Variants in ARHGAP1 observed in about 807,000 individuals in gnomAD.
ARHGAP1 encodes rho GTPase-activating protein 1.
A neutral mutation model predicts 52.2 loss-of-function variants in ARHGAP1; 23 were observed. That is an observed-to-expected ratio of 0.44 (90% CI 0.32 to 0.62). ARHGAP1 has a LOEUF of 0.62. Among genes scored for constraint, ARHGAP1 ranks in the 20% least tolerant of loss-of-function variants. The pLI is 0.05. For synonymous variants in ARHGAP1, 210 were observed against 228.4 expected (o/e 0.92, Z 0.73); for missense variants, 480 against 560.9 (o/e 0.86, Z 1.46).
rs2064528978 is a variant in ARHGAP1, at chr11:46,681,615, G to T, written c.450-236C>A. The T allele has an allele frequency of 2.2e-6, 1 of 459,044 alleles. No individual in the cohort carries two copies. The highest frequency in any genetic ancestry group is 3.5e-5 in the Admixed American group (1 of 28,220). The allele number at this position is 459,044 out of a possible 1,614,324, so 28.4% of individuals were successfully genotyped here. A position where few individuals can be genotyped will look rare whatever the true frequency, so the allele number is the denominator to read the frequency against. On this transcript the variant is annotated intron_variant, in intron 5 of 12. Coordinates refer to ENST00000311956, the MANE Select transcript of ARHGAP1 (RefSeq NM_004308.5). This position sits in a 1 kb window ranked among gnomAD's most constrained non-coding sequence, Gnocchi z 5.7. The stretch of plus-strand genomic sequence containing the variant: ...CACCTAGCTAATTTTTGTATTTTTA[G>T]CGGAGACAGGGTTTCACCATGTTGG...
chr11:46,695,911 C>CAGCA, intron 2 of ARHGAP1, 64 bp downstream of exon 2: 3 of 1,611,828 alleles, frequency 1.9e-6, no homozygotes, highest in Non-Finnish European at 2.5e-6. Context: ...CGTCTCCCTT[C>CAGCA]AGCAGAAGGA....
At chr11:46,688,090 AG>A in intron 4 of ARHGAP1, 82 bp downstream of exon 4, 1 of 1,380,076 alleles carries the variant, frequency 7.2e-7, no homozygotes, top group Non-Finnish European at 1.0e-6. Context: ...ACCCACAGGC[AG>A]GGAGGGACAG....
Position 46,680,810 on chromosome 11 carries a change from A to G in ARHGAP1, c.636-63T>C, listed in dbSNP as rs1461670791. 7.6e-7 allele frequency: 1 copy of G among 1,322,064 alleles called. No homozygotes were observed. Among genetic ancestry groups the G allele is most frequent in the Non-Finnish European group, 1.0e-6 (1 of 965,422 alleles). The allele number at this position is 1,322,064 out of a possible 1,614,324, so 81.9% of individuals were successfully genotyped here. The stretch of plus-strand genomic sequence containing the variant: ...GCTCTGGAGTCACTCTGCCAATTCA[A>G]TCAAGCATTGACCACGCGGGGTCAG... On this transcript the variant is annotated intron_variant, in intron 7 of 12. Coordinates refer to ENST00000311956, the MANE Select transcript of ARHGAP1 (RefSeq NM_004308.5). This position sits in a 1 kb window ranked among gnomAD's most constrained non-coding sequence, Gnocchi z 5.9.
Position 46,679,752 on chromosome 11 carries a change from T to C in ARHGAP1, c.923A>G (p.Tyr308Cys). The stretch of plus-strand genomic sequence containing the variant: ...GACTGCTGGCAGGTGCAGCTCATTG[T>C]ACTGGTCGAAATCCACAGGCAGCCC... Reference protein sequence around the residue: ...NMGLPVDFDQYNELHLPAVIL... With the variant: ...NMGLPVDFDQCNELHLPAVIL... The change falls in exon 11 of 13, where the codon TAC becomes TGC. Residue 308 changes from tyrosine to cysteine, a missense_variant. Tyr to Cys is a radical substitution (Grantham distance 194). Transcript: ENST00000311956. This position sits in a 1 kb window ranked among gnomAD's most constrained non-coding sequence, Gnocchi z 4.4. 1 of 1,613,834 alleles carries C rather than the reference T, an allele frequency of 6.2e-7. No individual in the cohort carries two copies. The highest frequency in any genetic ancestry group is 8.5e-7 in the Non-Finnish European group (1 of 1,179,952).
At position 46,678,700 on chromosome 11, in the gene ARHGAP1, C is replaced by A. The variant is rs886272540; in HGVS notation, c.*337G>T. 1.1e-5 allele frequency: 3 copies of A among 282,026 alleles called. No homozygotes were observed. The highest frequency in any genetic ancestry group is 9.8e-5 in the Admixed American group (2 of 20,424). 17.5% of individuals were successfully genotyped at this position (282,026 alleles called of 1,614,324 possible). On this transcript the variant is annotated 3_prime_UTR_variant, in exon 13 of 13. Coordinates refer to ENST00000311956, the MANE Select transcript of ARHGAP1 (RefSeq NM_004308.5). ...CAGCCCAGCCGGCAGTCATTTGATT[C>A]ATCCACACTTGCTAGGGAAACAGAG...
chr11:46,684,068 TG>T (rs2064550329), intron 4 of ARHGAP1, among the ~76,000 whole-genome samples: 1 of 152,028 alleles, frequency 6.6e-6, no homozygotes, highest in Non-Finnish European at 1.5e-5. Flanking sequence ...AGAAGCCTGG[TG>T]AAGTGGCCAG....
Position 46,678,812 on chromosome 11 carries a change from G to T in ARHGAP1, c.*225C>A. Reference sequence around the variant, plus strand: ...CCCAGCTCTGGAGAGCCCAGCAAAAGCCCGGTGTCCAGAGAGGCAGTGAGA... The same window carrying T: ...CCCAGCTCTGGAGAGCCCAGCAAAATCCCGGTGTCCAGAGAGGCAGTGAGA... On this transcript the variant is annotated 3_prime_UTR_variant, in exon 13 of 13. Transcript: ENST00000311956. 1.8e-6 allele frequency: 1 copy of T among 569,414 alleles called. No homozygotes were observed. The highest frequency in any genetic ancestry group is 3.1e-6 in the Non-Finnish European group (1 of 323,196). 35.3% of individuals were successfully genotyped at this position (569,414 alleles called of 1,614,324 possible). A position where few individuals can be genotyped will look rare whatever the true frequency, so the allele number is the denominator to read the frequency against.
intron 4 of ARHGAP1, among the ~76,000 whole-genome samples, chr11:46,683,490 G>A (rs2064544121): frequency 6.6e-6 from 1 of 152,114 alleles, no homozygotes; most frequent in Admixed American, 6.5e-5. Context: ...GGACCAAAGA[G>A]CCCCAATTCC....
chr11:46,680,294 T>C lies in ARHGAP1; in HGVS notation c.821-12A>G. The stretch of plus-strand genomic sequence containing the variant: ...CTCGGTGGTGAGAGCTGGGAAACAG[T>C]AGGGCCTGGTGAGCCTCCGAGCGCT... On this transcript the variant is annotated splice_polypyrimidine_tract_variant and intron_variant, in intron 9 of 12. Coordinates refer to ENST00000311956, the MANE Select transcript of ARHGAP1 (RefSeq NM_004308.5). The surrounding 1 kb of genome is among the most constrained non-coding windows in gnomAD (Gnocchi z 5.9). 1 of 1,613,790 alleles carries C rather than the reference T, an allele frequency of 6.2e-7. No individual in the cohort carries two copies. The highest frequency in any genetic ancestry group is 8.5e-7 in the Non-Finnish European group (1 of 1,179,844).
rs944703406 is a variant in ARHGAP1 at position 46,695,327 on chromosome 11, C to T, written c.229+333G>A. 3.2e-5 allele frequency: 12 copies of T among 378,394 alleles called. No homozygotes were observed. In the Admixed American group the frequency reaches 4.0e-4, roughly 13 times the overall value. The allele number at this position is 378,394 out of a possible 1,614,324, so 23.4% of individuals were successfully genotyped here. On this transcript the variant is annotated intron_variant, in intron 3 of 12. Transcript: ENST00000311956. Reference sequence around the variant, plus strand: ...CCAGTAACTGATAGGGTGGAAAAGCCAACATTAGGGTGGAGGGGTAGGAGG... The same window carrying T: ...CCAGTAACTGATAGGGTGGAAAAGCTAACATTAGGGTGGAGGGGTAGGAGG...
intron 3 of ARHGAP1, among the ~76,000 whole-genome samples, chr11:46,694,163 C>T (rs1199163355): frequency 2.0e-5 from 3 of 152,200 alleles, no homozygotes; most frequent in African/African-American, 4.8e-5. Flanking sequence ...AGCCACCACT[C>T]AGAGGCCATT....
At chr11:46,694,634 A>C (rs1424769131) in intron 3 of ARHGAP1, among the ~76,000 whole-genome samples, 1 of 152,158 alleles carries the variant, frequency 6.6e-6, no homozygotes, top group Non-Finnish European at 1.5e-5. Context: ...ACTCCAGTCA[A>C]GTTCAGAACC....
rs1250376748 is a variant in ARHGAP1 at position 46,696,006 on chromosome 11, G to A, written c.102C>T (p.Pro34=). 1.2e-6 allele frequency: 2 copies of A among 1,614,186 alleles called. No homozygotes were observed. The highest frequency in any genetic ancestry group is 3.3e-5 in the Admixed American group (2 of 60,026). ...TGGGGAAGTCAGGCATTTCATCCGA[G>A]GGCCAGTTCTTCTCATCGATGGAGG... The part of the protein sequence containing the change: ...KLASIDEKNW[P]SDEMPDFPKS... The change falls in exon 2 of 13, where the codon CCC becomes CCT. Residue 34 remains proline (P), a synonymous_variant. Transcript: ENST00000311956. This position sits in a 1 kb window ranked among gnomAD's most constrained non-coding sequence, Gnocchi z 4.8.
In ARHGAP1 at chr11:46,678,662, TGGCCCCTGCTACCA is replaced by T; in HGVS notation, c.*361_*374del. 4.5e-6 allele frequency: 1 copy of T among 223,180 alleles called. No individual in the cohort carries two copies. Among genetic ancestry groups the T allele is most frequent in the Non-Finnish European group, 9.0e-6 (1 of 111,256 alleles). The allele number at this position is 223,180 out of a possible 1,614,324, so 13.8% of individuals were successfully genotyped here. A position where few individuals can be genotyped will look rare whatever the true frequency, so the allele number is the denominator to read the frequency against. Reference sequence around the variant, plus strand: ...TTCCCAGCAATCAAGAGGGGAGGACTGGCCCCTGCTACCAGCCCAGCCGGCAGTCATTTGATTCA... The same window carrying T: ...TTCCCAGCAATCAAGAGGGGAGGACTGCCCAGCCGGCAGTCATTTGATTCA... On this transcript the variant is annotated 3_prime_UTR_variant, in exon 13 of 13. Transcript: ENST00000311956.
intron 4 of ARHGAP1, among the ~76,000 whole-genome samples, chr11:46,685,042 C>A (rs1234674819): frequency 6.9e-6 from 1 of 144,040 alleles, no homozygotes; most frequent in Non-Finnish European, 1.5e-5. Context: ...GAGCCAACAT[C>A]GTGCCACTGC....
At position 46,680,359 on chromosome 11, in the gene ARHGAP1, G is replaced by A; in HGVS notation, c.821-77C>T. On this transcript the variant is annotated intron_variant, in intron 9 of 12. Coordinates refer to ENST00000311956, the MANE Select transcript of ARHGAP1 (RefSeq NM_004308.5). This position sits in a 1 kb window ranked among gnomAD's most constrained non-coding sequence, Gnocchi z 5.9. ...TTCCCTGCCCCTTCTCTGTCTTGGG[G>A]TTCTAGGCAGGGCTGGGTGGGGACG... The A allele has an allele frequency of 6.3e-7, 1 of 1,585,048 alleles. No individual in the cohort carries two copies.
chr11:46,683,036 GC>G (rs1447405570), intron 4 of ARHGAP1, among the ~76,000 whole-genome samples: 1 of 94,406 alleles, frequency 1.1e-5, no homozygotes, highest in East Asian at 3.5e-4. Context: ...ACCAAAGCCT[GC>G]TTTTTTTTTT....
chr11:46,686,993 T>C (rs1198801749), intron 4 of ARHGAP1: 3 of 152,376 alleles, frequency 2.0e-5, no homozygotes, highest in Non-Finnish European at 4.4e-5. Flanking sequence ...AAGGACGCCC[T>C]GGGGTGGGTG....
At position 46,696,226 on chromosome 11, in the gene ARHGAP1, G is replaced by T; in HGVS notation, c.-49-70C>A. 1 of 1,074,642 alleles carries T rather than the reference G, an allele frequency of 9.3e-7. No homozygotes were observed. The highest frequency in any genetic ancestry group is 1.3e-6 in the Non-Finnish European group (1 of 760,432). The allele number at this position is 1,074,642 out of a possible 1,614,324, so 66.6% of individuals were successfully genotyped here. ...TCACCTTCTGCGACCTCCACCGCGT[G>T]CCCTCCTGCCCCCACCATTCCCTCT... On this transcript the variant is annotated intron_variant, in intron 1 of 12. Coordinates refer to ENST00000311956, the MANE Select transcript of ARHGAP1 (RefSeq NM_004308.5). The surrounding 1 kb of genome is among the most constrained non-coding windows in gnomAD (Gnocchi z 4.8).
Sources: allele counts gnomAD v4.1 joint callset (sites outside exome capture counted in the v4.1 genomes callset), GRCh38; gene constraint gnomAD v4.1.1; non-coding constraint Gnocchi (gnomAD v3.1); transcripts MANE v1.5; gene names NCBI Gene and HGNC (gene_info 2026-07-23, HGNC 2026-07-21).